The following BTG4 variants were observed in gnomAD, a reference collection of about 807,000 sequenced individuals.
BTG4 encodes protein BTG4.
Under a neutral mutation model 19.3 loss-of-function variants are expected in BTG4, and 10 were observed. The ratio of observed to expected loss-of-function variants is 0.52; its 90% CI spans 0.32 to 0.88. The LOEUF (loss-of-function observed/expected upper bound fraction) is 0.88. Among genes scored for constraint, BTG4 ranks in the 40% least tolerant of loss-of-function variants. BTG4 has a pLI of 0.04. For synonymous variants in BTG4, 91 were observed against 95.7 expected (o/e 0.95, Z 0.29); for missense variants, 238 against 281.9 (o/e 0.84, Z 1.11).
At chr11:111,482,268 C>T (rs142820500) in intron 5 of BTG4, among the ~76,000 whole-genome samples, 2 of 152,014 alleles carry the variant, frequency 1.3e-5, no homozygotes, top group East Asian at 3.9e-4. Context: ...ATCTAAAAAT[C>T]ATGTACAAGA....
the BTG4 span, chr11:111,397,139 G>A: frequency 3.3e-5 from 5 of 152,044 alleles, no homozygotes; most frequent in East Asian, 1.9e-4. Flanking sequence ...AATTTAATCC[G>A]TATGACACCC....
At chr11:111,430,914 G>T in the BTG4 span, among the ~76,000 whole-genome samples, 1 of 152,102 alleles carries the variant, frequency 6.6e-6, no homozygotes, top group Non-Finnish European at 1.5e-5. Context: ...AGCTAATATT[G>T]CCTCTAATTC....
chr11:111,506,102 G>A (rs1866436418), intron 1 of BTG4, among the ~76,000 whole-genome samples: 1 of 152,024 alleles, frequency 6.6e-6, no homozygotes, highest in Non-Finnish European at 1.5e-5. Context: ...ACTATCATTC[G>A]ACCCAGCAAT....
At chr11:111,455,778 G>A in the BTG4 span, 16 of 451,160 alleles carry the variant, frequency 3.5e-5, no homozygotes, top group Middle Eastern at 3.2e-4. Flanking sequence ...AGCTGGACAC[G>A]GTGCTGGGCC....
the BTG4 span, among the ~76,000 whole-genome samples, chr11:111,409,245 G>A: frequency 6.6e-6 from 1 of 152,102 alleles, no homozygotes; most frequent in Non-Finnish European, 1.5e-5. Context: ...TAGGTGCTGT[G>A]GTTTAGATAT....
chr11:111,509,191 T>A (rs573245090), intron 1 of BTG4, among the ~76,000 whole-genome samples: 4,488 of 152,252 alleles, frequency 0.029, 99 homozygotes, highest in Middle Eastern at 0.079. Context: ...GGCAGTTCAT[T>A]TTAGCTCAAA....
the BTG4 span, among the ~76,000 whole-genome samples, chr11:111,408,562 G>T: frequency 2.6e-5 from 4 of 152,208 alleles, no homozygotes; most frequent in African/African-American, 9.7e-5. Context: ...AGGGGACCAG[G>T]TGTACAGCTG....
At chr11:111,405,271 G>T in the BTG4 span, among the ~76,000 whole-genome samples, 1 of 151,964 alleles carries the variant, frequency 6.6e-6, no homozygotes, top group Non-Finnish European at 1.5e-5. Flanking sequence ...AGGCCTGGTG[G>T]TGGGCACCTA....
the BTG4 span, chr11:111,385,386 T>C: frequency 1.3e-5 from 2 of 152,094 alleles, no homozygotes; most frequent in Non-Finnish European, 2.9e-5. Context: ...AAAAGACAGA[T>C]TTCTGCATTT....
the BTG4 span, among the ~76,000 whole-genome samples, chr11:111,440,920 C>A: frequency 6.6e-6 from 1 of 152,162 alleles, no homozygotes; most frequent in Non-Finnish European, 1.5e-5. Flanking sequence ...TGACTATCTG[C>A]CACACCACTT....
upstream of BTG4, chr11:111,514,568 A>C (rs1200299322): frequency 2.1e-5 from 12 of 571,998 alleles, no homozygotes; most frequent in Non-Finnish European, 3.4e-5. Flanking sequence ...TGACGTTTTG[A>C]CTCTCCCATA....
chr11:111,512,812 G>T (rs1867044711), upstream of BTG4: 3 of 309,148 alleles, frequency 9.7e-6, no homozygotes, highest in Non-Finnish European at 1.9e-5. Flanking sequence ...TGGGCCCGGG[G>T]GTGTCCTCGG....
Position 111,498,844 on chromosome 11 carries a change from GT to G in BTG4, c.-26-43del, listed in dbSNP as rs538660050. ...AAGCAAGAAGAAATAGAAAGAAATGGTTTAACTTATTATCAATATTTAACTG... is the reference window on the plus strand; with the variant it reads ...AAGCAAGAAGAAATAGAAAGAAATGGTTAACTTATTATCAATATTTAACTG... On this transcript the variant is annotated intron_variant, in intron 1 of 4. Transcript: ENST00000692032. The G allele has an allele frequency of 4.5e-4, 620 of 1,364,636 alleles. 3 individuals are homozygous for G. In the African/African-American group the frequency reaches 7.9e-3, roughly 17 times the overall value. The allele number at this position is 1,364,636 out of a possible 1,614,324, so 84.5% of individuals were successfully genotyped here. A position where few individuals can be genotyped will look rare whatever the true frequency, so the allele number is the denominator to read the frequency against.
At chr11:111,461,521 G>C in the BTG4 span, among the ~76,000 whole-genome samples, 1 of 152,174 alleles carries the variant, frequency 6.6e-6, no homozygotes, top group African/African-American at 2.4e-5. Context: ...AGGAGGTCAA[G>C]ACCAGCCTGG....
chr11:111,399,160 G>C, the BTG4 span: 1 of 152,256 alleles, frequency 6.6e-6, no homozygotes, highest in African/African-American at 2.4e-5. Flanking sequence ...AGGTGCCCTT[G>C]AAGCCACAAT....
the BTG4 span, among the ~76,000 whole-genome samples, chr11:111,421,195 C>T: frequency 2.0e-5 from 3 of 152,262 alleles, no homozygotes; most frequent in East Asian, 3.9e-4. Flanking sequence ...TATAGGGCCT[C>T]GTAGACTATC....
chr11:111,415,480 C>G, the BTG4 span, among the ~76,000 whole-genome samples: 6 of 152,336 alleles, frequency 3.9e-5, no homozygotes, highest in Middle Eastern at 3.4e-3. Flanking sequence ...GCCCTCCTGA[C>G]CTAGGTCCCA....
chr11:111,453,964 C>A, the BTG4 span, among the ~76,000 whole-genome samples: 3 of 152,198 alleles, frequency 2.0e-5, no homozygotes, highest in Admixed American at 6.5e-5. Context: ...GACAGCCACA[C>A]TGGGATTTGT....
chr11:111,511,646 T>C (rs1428176452), intron 1 of BTG4, among the ~76,000 whole-genome samples: 1 of 152,188 alleles, frequency 6.6e-6, no homozygotes, highest in Non-Finnish European at 1.5e-5. Flanking sequence ...GATTAATTCA[T>C]TAAAGGCAAA....
Sources: allele counts gnomAD v4.1 joint callset (sites outside exome capture counted in the v4.1 genomes callset), GRCh38; gene constraint gnomAD v4.1.1; transcripts MANE v1.5; gene names NCBI Gene and HGNC (gene_info 2026-07-23, HGNC 2026-07-21).